Variants in BAALC observed in about 807,000 individuals in gnomAD.
BAALC encodes brain and acute leukemia cytoplasmic protein.
BAALC carries 9 observed loss-of-function variants against 15.5 expected under a neutral mutation model. The observed-to-expected ratio is 0.58, with a 90% CI of 0.35 to 1.02. The LOEUF is 1.02. Among genes scored for constraint, BAALC ranks in the 50% least tolerant of loss-of-function variants. The pLI, the probability that BAALC is intolerant of heterozygous loss-of-function variation, is 0.02. For synonymous variants in BAALC, 80 were observed against 74.6 expected, an observed-to-expected ratio of 1.07 and a Z score of -0.37; for missense variants, 201 against 192.4, an observed-to-expected ratio of 1.04 and a Z score of -0.27.
chr8:103,155,120 A>C (rs921188069), intron 1 of BAALC, among the ~76,000 whole-genome samples: 2 of 152,096 alleles, frequency 1.3e-5, no homozygotes, highest in Non-Finnish European at 2.9e-5. Context: ...ATGAATCTCT[A>C]ATAAACTGGG....
intron 1 of BAALC, among the ~76,000 whole-genome samples, chr8:103,194,957 T>C (rs938392452): frequency 6.6e-6 from 1 of 151,878 alleles, no homozygotes; most frequent in Non-Finnish European, 1.5e-5. Flanking sequence ...AGCTGGGGAG[T>C]AAGTTTCAAC....
At chr8:103,209,764 T>A (rs1812410876) in intron 1 of BAALC, among the ~76,000 whole-genome samples, 1 of 152,242 alleles carries the variant, frequency 6.6e-6, no homozygotes, top group African/African-American at 2.4e-5. Flanking sequence ...TGCACCCTGC[T>A]CAATCAGTAA....
At chr8:103,221,098 G>T (rs1325123540) in intron 2 of BAALC, among the ~76,000 whole-genome samples, 2 of 152,158 alleles carry the variant, frequency 1.3e-5, no homozygotes, top group Non-Finnish European at 2.9e-5. Context: ...CACAGGAAAT[G>T]GGCTGATTAT....
intron 1 of BAALC, among the ~76,000 whole-genome samples, chr8:103,154,994 C>A (rs1012694794): frequency 1.3e-5 from 2 of 151,464 alleles, no homozygotes; most frequent in African/African-American, 4.8e-5. Flanking sequence ...TCAGCTTCAA[C>A]AATTATCAAC....
intron 1 of BAALC, among the ~76,000 whole-genome samples, chr8:103,156,229 T>C (rs569362732): frequency 6.6e-6 from 1 of 152,348 alleles, no homozygotes; most frequent in East Asian, 1.9e-4. Flanking sequence ...GCTCAGCACA[T>C]GCTGAACACT....
At chr8:103,216,945 C>T (rs943033698) in intron 2 of BAALC, among the ~76,000 whole-genome samples, 13 of 152,120 alleles carry the variant, frequency 8.5e-5, no homozygotes, top group Admixed American at 2.6e-4. Flanking sequence ...GCCCCCATGC[C>T]GCACATACAC....
chr8:103,213,304 T>A, intron 2 of BAALC: 1 of 517,502 alleles, frequency 1.9e-6, no homozygotes, highest in Non-Finnish European at 3.4e-6. Context: ...TATGTTTGCT[T>A]AAGTACAGCT....
chr8:103,143,630 C>A (rs1429992984), intron 1 of BAALC, among the ~76,000 whole-genome samples: 1 of 152,210 alleles, frequency 6.6e-6, no homozygotes, highest in Non-Finnish European at 1.5e-5. Flanking sequence ...TTACCCTCAG[C>A]TCCCAAGAAT....
intron 1 of BAALC, among the ~76,000 whole-genome samples, chr8:103,188,127 T>C (rs1167322553): frequency 1.3e-5 from 2 of 152,198 alleles, no homozygotes; most frequent in South Asian, 2.1e-4. Context: ...CCTGATGTCA[T>C]GGACCCAGCA....
chr8:103,206,984 T>C (rs1421712917), intron 1 of BAALC, among the ~76,000 whole-genome samples: 1 of 152,170 alleles, frequency 6.6e-6, no homozygotes, highest in Non-Finnish European at 1.5e-5. Context: ...CTGATATTAA[T>C]ATAATCGGCA....
chr8:103,194,634 G>A (rs375084888), intron 1 of BAALC, among the ~76,000 whole-genome samples: 1 of 152,186 alleles, frequency 6.6e-6, no homozygotes, highest in East Asian at 1.9e-4. Flanking sequence ...AAATATCTGA[G>A]GGTGGGTCAT....
At chr8:103,157,182 G>A (rs1435033493) in intron 1 of BAALC, 1 of 151,928 alleles carries the variant, frequency 6.6e-6, no homozygotes, top group Non-Finnish European at 1.5e-5. Flanking sequence ...ATCTTCAATT[G>A]AGCATCAAAC....
intron 1 of BAALC, among the ~76,000 whole-genome samples, chr8:103,167,143 A>G (rs937043733): frequency 1.3e-5 from 2 of 152,234 alleles, no homozygotes; most frequent in Non-Finnish European, 2.9e-5. Flanking sequence ...ATAGAAATAG[A>G]CATTATTGAA....
At position 103,229,575 on chromosome 8, in the gene BAALC, G is replaced by T. The variant is rs1812879153; in HGVS notation, c.*1476G>T. On this transcript the variant is annotated 3_prime_UTR_variant, in exon 3 of 3. Transcript: ENST00000309982. ...GTACTATGCAGATGTTGAGGGATTTGGGGTCTGGTTAGTCGTGACTATCTA... is the reference window on the plus strand; with the variant it reads ...GTACTATGCAGATGTTGAGGGATTTTGGGTCTGGTTAGTCGTGACTATCTA... 6.6e-6 allele frequency: 1 copy of T among 152,174 alleles called. No individual in the cohort carries two copies. The highest frequency in any genetic ancestry group is 2.4e-5 in the African/African-American group (1 of 41,424). The allele number at this position is 152,174 out of a possible 1,614,324, so 9.4% of individuals were successfully genotyped here.
rs534560475 is a variant in BAALC at position 103,229,420 on chromosome 8, T to C, written c.*1321T>C. 6.6e-6 allele frequency: 1 copy of C among 152,252 alleles called. No individual in the cohort carries two copies. The highest frequency in any genetic ancestry group is 1.5e-5 in the Non-Finnish European group (1 of 68,032). 9.4% of individuals were successfully genotyped at this position (152,252 alleles called of 1,614,324 possible). A position where few individuals can be genotyped will look rare whatever the true frequency, so the allele number is the denominator to read the frequency against. On this transcript the variant is annotated 3_prime_UTR_variant, in exon 3 of 3. Coordinates refer to ENST00000309982, the MANE Select transcript of BAALC (RefSeq NM_024812.3). ...ACTGACATGCAGGTCAAAAGTCAGA[T>C]ACGCAACCTCCTTATCTGCTAACTC...
At chr8:103,174,038 T>C (rs1197864772) in intron 1 of BAALC, among the ~76,000 whole-genome samples, 1 of 152,168 alleles carries the variant, frequency 6.6e-6, no homozygotes, top group Non-Finnish European at 1.5e-5. Flanking sequence ...GTAGAGAAAC[T>C]GGAGGCCTTC....
chr8:103,205,567 T>C (rs1812309751), intron 1 of BAALC, among the ~76,000 whole-genome samples: 2 of 152,132 alleles, frequency 1.3e-5, no homozygotes, highest in Non-Finnish European at 2.9e-5. Flanking sequence ...TCTATATATA[T>C]CTATAATATA....
Position 103,181,729 on chromosome 8 carries a change from G to C in BAALC, c.161-31190G>C, listed in dbSNP as rs548312165. Reference sequence around the variant, plus strand: ...CCATAACAAAATAAATGAGAATTTGGTTAATAGTAGCTGATATTAAAACTA... The same window carrying C: ...CCATAACAAAATAAATGAGAATTTGCTTAATAGTAGCTGATATTAAAACTA... On this transcript the variant is annotated intron_variant, in intron 1 of 2. Transcript: ENST00000309982. Among the ~76,000 whole-genome samples, 4 of 152,314 alleles carry C rather than the reference G, an allele frequency of 2.6e-5. No individual in the cohort carries two copies. The East Asian group carries it at 5.8e-4, about 22-fold the overall frequency.
At chr8:103,158,171 A>G (rs1237412791) in intron 1 of BAALC, among the ~76,000 whole-genome samples, 1 of 152,086 alleles carries the variant, frequency 6.6e-6, no homozygotes, top group Non-Finnish European at 1.5e-5. Context: ...TGTTGAAGAA[A>G]CTGGTTGTTT....
Sources: allele counts gnomAD v4.1 joint callset (sites outside exome capture counted in the v4.1 genomes callset), GRCh38; gene constraint gnomAD v4.1.1; transcripts MANE v1.5; gene names NCBI Gene and HGNC (gene_info 2026-07-23, HGNC 2026-07-21).